PLCG1: variants seen among roughly 807,000 people sequenced by gnomAD.
PLCG1 encodes 1-phosphatidylinositol 4,5-bisphosphate phosphodiesterase gamma-1.
A neutral mutation model predicts 177.8 loss-of-function variants in PLCG1; 71 were observed. The observed-to-expected ratio is 0.40, with a 90% CI of 0.33 to 0.49. The LOEUF is 0.49. Among genes scored for constraint, PLCG1 ranks in the 20% least tolerant of loss-of-function variants. The probability of loss-of-function intolerance (pLI) is 0.72; values close to 1 mark genes in which losing one functional copy is unlikely to be tolerated. For missense variants in PLCG1, 1,281 were observed against 1,709.0 expected (o/e 0.75, Z 4.42); for synonymous variants, 658 against 647.9 (o/e 1.02, Z -0.24).
chr20:41,170,291 C>T (rs374676913), intron 24 of PLCG1, 22 bp downstream of exon 24: 1 of 1,613,628 alleles, frequency 6.2e-7, no homozygotes, highest in Non-Finnish European at 8.5e-7. Context: ...CTGGAACCTT[C>T]TGGGGGGCAG....
In PLCG1 at chr20:41,159,799, G is replaced by A; in HGVS notation, c.370+41G>A. ...GTAGAGGAGGTAGAGGATAGTTAGGGGAATGCCTGCTGGCTCCTGCCCAGT... is the reference window on the plus strand; with the variant it reads ...GTAGAGGAGGTAGAGGATAGTTAGGAGAATGCCTGCTGGCTCCTGCCCAGT... On this transcript the variant is annotated intron_variant, in intron 2 of 31. Coordinates refer to ENST00000685551, the MANE Select transcript of PLCG1 (RefSeq NM_002660.3). This position sits in a 1 kb window ranked among gnomAD's most constrained non-coding sequence, Gnocchi z 6.0. 6.2e-7 allele frequency: 1 copy of A among 1,613,928 alleles called. No homozygotes were observed. The highest frequency in any genetic ancestry group is 8.5e-7 in the Non-Finnish European group (1 of 1,179,802).
intron 1 of PLCG1, among the ~76,000 whole-genome samples, chr20:41,152,661 T>G (rs1197014639): frequency 6.6e-6 from 1 of 152,264 alleles, no homozygotes; most frequent in East Asian, 1.9e-4. Flanking sequence ...TTAAGTACTC[T>G]GAACATTTTG....
chr20:41,157,385 C>G lies in PLCG1; in HGVS notation c.218-2221C>G, dbSNP rs987097623. Among the ~76,000 whole-genome samples the G allele has an allele frequency of 6.6e-6, 1 of 152,034 alleles. No homozygotes were observed. The highest frequency in any genetic ancestry group is 1.5e-5 in the Non-Finnish European group (1 of 68,020). ...ATCTAGCCATTTCCCCTGATGGAAG[C>G]TCCTCCTTCTGTCATTGGAAGCCCT... On this transcript the variant is annotated intron_variant, in intron 1 of 31. Coordinates refer to ENST00000685551, the MANE Select transcript of PLCG1 (RefSeq NM_002660.3). This position sits in a 1 kb window ranked among gnomAD's most constrained non-coding sequence, Gnocchi z 5.4.
At position 41,174,730 on chromosome 20, in the gene PLCG1, C is replaced by T; in HGVS notation, c.*221C>T. 3 of 577,646 alleles carry T rather than the reference C, an allele frequency of 5.2e-6. No homozygotes were observed. Among genetic ancestry groups the T allele is most frequent in the Non-Finnish European group, 9.3e-6 (3 of 321,640 alleles). The allele number at this position is 577,646 out of a possible 1,614,324, so 35.8% of individuals were successfully genotyped here. A position where few individuals can be genotyped will look rare whatever the true frequency, so the allele number is the denominator to read the frequency against. On this transcript the variant is annotated 3_prime_UTR_variant, in exon 32 of 32. Transcript: ENST00000685551. This position sits in a 1 kb window ranked among gnomAD's most constrained non-coding sequence, Gnocchi z 5.8. The stretch of plus-strand genomic sequence containing the variant: ...GCTCTGGATGAAGGCAAAAACTGTA[C>T]TGTGTTTCGCATTAAGCACACACAT...
In PLCG1 at chr20:41,175,555, CAG is replaced by C. The variant is rs1194503328; in HGVS notation, c.*1049_*1050del. Reference sequence around the variant, plus strand: ...GAAAGGCAGCCCTCACCTCTGAGGACAGAGGCCGGGGTCCAGGCCCGTGGGCG... The same window carrying C: ...GAAAGGCAGCCCTCACCTCTGAGGACAGGCCGGGGTCCAGGCCCGTGGGCG... On this transcript the variant is annotated 3_prime_UTR_variant, in exon 32 of 32. Transcript: ENST00000685551. 5.2e-5 allele frequency: 8 copies of C among 152,644 alleles called. No individual in the cohort carries two copies. Among genetic ancestry groups the C allele is most frequent in the Non-Finnish European group, 1.5e-5 (1 of 68,040 alleles). The allele number at this position is 152,644 out of a possible 1,614,324, so 9.5% of individuals were successfully genotyped here.
rs924408630 is a variant in PLCG1 at position 41,157,599 on chromosome 20, T to C, written c.218-2007T>C. On this transcript the variant is annotated intron_variant, in intron 1 of 31. Coordinates refer to ENST00000685551, the MANE Select transcript of PLCG1 (RefSeq NM_002660.3). This position sits in a 1 kb window ranked among gnomAD's most constrained non-coding sequence, Gnocchi z 5.4. ...CTGCCTGGCCTTAGGTATGTGAGCA[T>C]GTATGTACGTGTTTGTATGCACGAG... 6.6e-6 allele frequency among the ~76,000 whole-genome samples: 1 copy of C among 152,222 alleles called. No homozygotes were observed. The highest frequency in any genetic ancestry group is 1.5e-5 in the Non-Finnish European group (1 of 68,044).
chr20:41,154,224 G>C (rs1324959150), intron 1 of PLCG1, among the ~76,000 whole-genome samples: 1 of 152,196 alleles, frequency 6.6e-6, no homozygotes, highest in East Asian at 1.9e-4. Flanking sequence ...CGGTTAACAG[G>C]CTTATAAATT....
intron 24 of PLCG1, among the ~76,000 whole-genome samples, chr20:41,171,324 C>T (rs528320424): frequency 2.0e-5 from 3 of 152,190 alleles, no homozygotes; most frequent in South Asian, 4.1e-4. Flanking sequence ...TGGTGGCTCA[C>T]GCCTGTAATC....
chr20:41,153,671 C>T lies in PLCG1; in HGVS notation c.218-5935C>T, dbSNP rs527359914. 1.6e-4 allele frequency among the ~76,000 whole-genome samples: 24 copies of T among 152,216 alleles called. No homozygotes were observed. The highest frequency in any genetic ancestry group is 5.9e-4 in the Admixed American group (9 of 15,296). On this transcript the variant is annotated intron_variant, in intron 1 of 31. Coordinates refer to ENST00000685551, the MANE Select transcript of PLCG1 (RefSeq NM_002660.3). This position sits in a 1 kb window ranked among gnomAD's most constrained non-coding sequence, Gnocchi z 5.1. ...CAGCACTTTGGGAGGCCGAGGCAGG[C>T]GAATCACTGGAGGTCAGGAGTTTGA...
rs1412186391 is a variant in PLCG1 at position 41,148,481 on chromosome 20, C to A, written c.217+10623C>A. ...CCCTTGTGAGAGGGCTCTGCAGAGA[C>A]AGGGCAGCAGAGAGAGACTTGGAGA... On this transcript the variant is annotated intron_variant, in intron 1 of 31. Transcript: ENST00000685551. This position sits in a 1 kb window ranked among gnomAD's most constrained non-coding sequence, Gnocchi z 4.3. Among the ~76,000 whole-genome samples the A allele has an allele frequency of 6.6e-6, 1 of 151,934 alleles. No individual in the cohort carries two copies. Among genetic ancestry groups the A allele is most frequent in the Non-Finnish European group, 1.5e-5 (1 of 67,998 alleles).
At chr20:41,171,768 AC>A (rs761581234) in intron 24 of PLCG1, among the ~76,000 whole-genome samples, 1 of 152,090 alleles carries the variant, frequency 6.6e-6, no homozygotes, top group Non-Finnish European at 1.5e-5. Context: ...ACAGATGGAA[AC>A]CAAGCCAGGG....
At position 41,156,489 on chromosome 20, in the gene PLCG1, TA is replaced by T. The variant is rs1208674634; in HGVS notation, c.218-3116del. ...GCATTAGGCCTTTGTCATTATGCTA[TA>T]CATCAGGCTTCTGGGCTGCTACTTG... On this transcript the variant is annotated intron_variant, in intron 1 of 31. Coordinates refer to ENST00000685551, the MANE Select transcript of PLCG1 (RefSeq NM_002660.3). This position sits in a 1 kb window ranked among gnomAD's most constrained non-coding sequence, Gnocchi z 5.0. Among the ~76,000 whole-genome samples, 8 of 152,176 alleles carry T rather than the reference TA, an allele frequency of 5.3e-5. No individual in the cohort carries two copies. The highest frequency in any genetic ancestry group is 1.7e-4 in the African/African-American group (7 of 41,448).
In PLCG1 at chr20:41,151,579, C is replaced by T. The variant is rs1426898874; in HGVS notation, c.218-8027C>T. On this transcript the variant is annotated intron_variant, in intron 1 of 31. Transcript: ENST00000685551. This position sits in a 1 kb window ranked among gnomAD's most constrained non-coding sequence, Gnocchi z 5.5. ...ACTTTGACCTTCCTTTGGTGGCAGCCAGATGTGCTCAGGGAAACCTCAGAT... is the reference window on the plus strand; with the variant it reads ...ACTTTGACCTTCCTTTGGTGGCAGCTAGATGTGCTCAGGGAAACCTCAGAT... 6.6e-6 allele frequency among the ~76,000 whole-genome samples: 1 copy of T among 152,230 alleles called. No individual in the cohort carries two copies. Among genetic ancestry groups the T allele is most frequent in the East Asian group, 1.9e-4 (1 of 5,188 alleles).
rs1050484255 is a variant in PLCG1, at chr20:41,156,375, G to A, written c.218-3231G>A. 6.6e-6 allele frequency among the ~76,000 whole-genome samples: 1 copy of A among 152,206 alleles called. No homozygotes were observed. Among genetic ancestry groups the A allele is most frequent in the East Asian group, 1.9e-4 (1 of 5,194 alleles). ...CTGGGCAGCCATCACCATGGGCCTG[G>A]GGACGTGGTGCTGGGCAGAATGAAT... On this transcript the variant is annotated intron_variant, in intron 1 of 31. Coordinates refer to ENST00000685551, the MANE Select transcript of PLCG1 (RefSeq NM_002660.3). This position sits in a 1 kb window ranked among gnomAD's most constrained non-coding sequence, Gnocchi z 5.0.
intron 24 of PLCG1, among the ~76,000 whole-genome samples, chr20:41,171,491 G>A (rs1009949248): frequency 6.6e-6 from 1 of 150,732 alleles, no homozygotes; most frequent in African/African-American, 2.4e-5. Context: ...GGAGGCTGAG[G>A]CAGGAGAATC....
chr20:41,148,407 G>A lies in PLCG1; in HGVS notation c.217+10549G>A, dbSNP rs572222866. Among the ~76,000 whole-genome samples the A allele has an allele frequency of 3.9e-5, 6 of 152,206 alleles. No individual in the cohort carries two copies. Among genetic ancestry groups the A allele is most frequent in the African/African-American group, 1.4e-4 (6 of 41,526 alleles). On this transcript the variant is annotated intron_variant, in intron 1 of 31. Coordinates refer to ENST00000685551, the MANE Select transcript of PLCG1 (RefSeq NM_002660.3). This position sits in a 1 kb window ranked among gnomAD's most constrained non-coding sequence, Gnocchi z 4.3. ...AGGCCCCTGTTGTTTCCTTGTAGGA[G>A]GGAGACCCCAGATTTTTATTTCTTC...
At position 41,138,220 on chromosome 20, in the gene PLCG1, C is replaced by T. The variant is rs991834555; in HGVS notation, c.217+362C>T. Among the ~76,000 whole-genome samples, 3 of 152,252 alleles carry T rather than the reference C, an allele frequency of 2.0e-5. No individual in the cohort carries two copies. The East Asian group carries it at 5.8e-4, about 29-fold the overall frequency. ...GGGAGCTAAGGCAGTGGCCCCCACCCTGCACGGGAACCTGGGGCCTGACCA... is the reference window on the plus strand; with the variant it reads ...GGGAGCTAAGGCAGTGGCCCCCACCTTGCACGGGAACCTGGGGCCTGACCA... On this transcript the variant is annotated intron_variant, in intron 1 of 31. Coordinates refer to ENST00000685551, the MANE Select transcript of PLCG1 (RefSeq NM_002660.3).
In PLCG1 at chr20:41,153,525, C is replaced by A. The variant is rs1022410193; in HGVS notation, c.218-6081C>A. Among the ~76,000 whole-genome samples the A allele has an allele frequency of 3.3e-4, 51 of 152,242 alleles. No individual in the cohort carries two copies. The highest frequency in any genetic ancestry group is 9.4e-4 in the African/African-American group (39 of 41,526). On this transcript the variant is annotated intron_variant, in intron 1 of 31. Coordinates refer to ENST00000685551, the MANE Select transcript of PLCG1 (RefSeq NM_002660.3). This position sits in a 1 kb window ranked among gnomAD's most constrained non-coding sequence, Gnocchi z 5.1. The stretch of plus-strand genomic sequence containing the variant: ...TGTTACCCAGATGGGTCTTGAACTC[C>A]TGGCCTCAAGCAGTCCTCTTGCCTC...
rs1238850491 is a variant in PLCG1 at position 41,163,551 on chromosome 20, A to G, written c.891+72A>G. 8.2e-7 allele frequency: 1 copy of G among 1,216,928 alleles called. No individual in the cohort carries two copies. 75.4% of individuals were successfully genotyped at this position (1,216,928 alleles called of 1,614,324 possible). ...GTGACCAGGACCCCACCCGGGCTCC[A>G]GGAGCTAGACGCTCCTTAGGGATGC... On this transcript the variant is annotated intron_variant, in intron 9 of 31. Coordinates refer to ENST00000685551, the MANE Select transcript of PLCG1 (RefSeq NM_002660.3). This position sits in a 1 kb window ranked among gnomAD's most constrained non-coding sequence, Gnocchi z 5.2.
Sources: allele counts gnomAD v4.1 joint callset (sites outside exome capture counted in the v4.1 genomes callset), GRCh38; gene constraint gnomAD v4.1.1; non-coding constraint Gnocchi (gnomAD v3.1); transcripts MANE v1.5; gene names NCBI Gene and HGNC (gene_info 2026-07-23, HGNC 2026-07-21).